Variants in CEP162 observed in about 807,000 individuals in gnomAD.
The protein encoded by CEP162 is centrosomal protein of 162 kDa.
In CEP162, 141 loss-of-function variants were observed where a neutral mutation model predicts 169.2. The ratio of observed to expected loss-of-function variants is 0.83; its 90% CI spans 0.73 to 0.96. The LOEUF (loss-of-function observed/expected upper bound fraction) is 0.96, where lower values mean the gene tolerates loss of function less well. Ranked by LOEUF, CEP162 falls within the 40% of genes least tolerant of loss-of-function variation. CEP162 has a pLI of 0.00. For missense variants in CEP162, 1,600 were observed against 1,587.2 expected (o/e 1.01, Z -0.14); for synonymous variants, 540 against 526.4 (o/e 1.03, Z -0.35).
chr6:84,136,653 A>G (rs2099514226), intron 25 of CEP162, among the ~76,000 whole-genome samples: 1 of 152,178 alleles, frequency 6.6e-6, no homozygotes. Context: ...CAGATGTTTC[A>G]CTGCTATATC....
chr6:84,171,749 T>A, intron 16 of CEP162, 31 bp from the exon 17 acceptor site: 1 of 946,284 alleles, frequency 1.1e-6, no homozygotes, highest in Non-Finnish European at 1.5e-6. Flanking sequence ...GCATTTTAGT[T>A]AAAAGTCATT....
intron 20 of CEP162, among the ~76,000 whole-genome samples, 153 bp from the exon 21 acceptor site, chr6:84,161,069 G>A (rs2099525556): frequency 6.6e-6 from 1 of 152,074 alleles, no homozygotes; most frequent in Admixed American, 6.6e-5. Context: ...CTCCTCCCAA[G>A]TTCCAGGCAC....
At position 84,152,955 on chromosome 6, in the gene CEP162, A is replaced by C. The variant is rs1410369529; in HGVS notation, c.3219T>G (p.Ser1073=). 5.0e-6 allele frequency: 8 copies of C among 1,613,694 alleles called. No homozygotes were observed. In the Admixed American group the frequency reaches 5.0e-5, roughly 10 times the overall value. Residue 1073 remains serine, a synonymous_variant, in exon 23 of 27, where the codon TCT becomes TCG. Transcript: ENST00000403245. ...KNDKDDEDFQ[S]IEFQVEQAHA... is the part of the protein sequence containing the mutation. ...GAGCCTGTTCCACCTGGAATTCTAT[A>C]GACTGAAAATCTTCATCATCTTTAT... is the stretch of plus-strand genomic sequence containing the variant.
intron 13 of CEP162, among the ~76,000 whole-genome samples, chr6:84,178,578 G>C (rs112029002): frequency 6.6e-6 from 1 of 152,140 alleles, no homozygotes; most frequent in African/African-American, 2.4e-5. Context: ...AACATCCCTA[G>C]GGGATGTAGT....
Position 84,155,405 on chromosome 6 carries a change from C to T in CEP162, c.2887G>A (p.Glu963Lys), listed in dbSNP as rs944213475. ...TTTTTTATCCTTTTCTCCATAAATTCCACTGTATTTTTATCCACTGTATCA... is the reference window on the plus strand; with the variant it reads ...TTTTTTATCCTTTTCTCCATAAATTTCACTGTATTTTTATCCACTGTATCA... ...AGDTVDKNTV[E>K]FMEKRIKKLE... The change falls in exon 22 of 27, where the codon GAA becomes AAA. Residue 963 changes from glutamate (E) to lysine (K), a missense_variant. Transcript: ENST00000403245. The T allele has an allele frequency of 6.2e-7, 1 of 1,613,522 alleles. No homozygotes were observed. The highest frequency in any genetic ancestry group is 8.5e-7 in the Non-Finnish European group (1 of 1,179,624).
intron 2 of CEP162, among the ~76,000 whole-genome samples, chr6:84,225,096 T>C (rs931198043): frequency 2.6e-5 from 4 of 152,214 alleles, no homozygotes; most frequent in African/African-American, 9.6e-5. Flanking sequence ...ATGTATAACG[T>C]ATAATAGCTT....
At chr6:84,161,543 G>A (rs1360277266) in intron 20 of CEP162, among the ~76,000 whole-genome samples, 1 of 152,140 alleles carries the variant, frequency 6.6e-6, no homozygotes, top group Admixed American at 6.6e-5. Flanking sequence ...CCCCATGGGG[G>A]CCTGACAGGT....
chr6:84,204,996 C>A (rs765655770), intron 6 of CEP162, among the ~76,000 whole-genome samples: 11 of 152,206 alleles, frequency 7.2e-5, no homozygotes, highest in Middle Eastern at 3.4e-3. Flanking sequence ...AAATCCTGGA[C>A]ACATACACCC....
At chr6:84,149,227 T>C (rs1398039785) in intron 24 of CEP162, among the ~76,000 whole-genome samples, 1 of 152,114 alleles carries the variant, frequency 6.6e-6, no homozygotes, top group African/African-American at 2.4e-5. Flanking sequence ...CAAGTTCAAG[T>C]ACTAGGGTCC....
At chr6:84,197,662 C>T (rs947080532) in intron 9 of CEP162, among the ~76,000 whole-genome samples, 1 of 151,582 alleles carries the variant, frequency 6.6e-6, no homozygotes, top group Admixed American at 6.6e-5. Flanking sequence ...AAAAAAAATA[C>T]AAAAATTAGC....
At chr6:84,129,859 T>G (rs939709286) in intron 25 of CEP162, among the ~76,000 whole-genome samples, 2 of 152,160 alleles carry the variant, frequency 1.3e-5, no homozygotes, top group African/African-American at 4.8e-5. Flanking sequence ...TTTCTTTTTC[T>G]TGCCTGATTG....
rs1248790456 is a variant in CEP162, at chr6:84,215,547, T to C, written c.320-82A>G. On this transcript the variant is annotated intron_variant, in intron 4 of 26. Transcript: ENST00000403245. ...TTGAATGATGCATTTATTGACATTA[T>C]GTAGTAAATTTTAAAAATTTTACAA... 7 of 1,244,276 alleles carry C rather than the reference T, an allele frequency of 5.6e-6. No individual in the cohort carries two copies. The East Asian group carries it at 1.0e-4, about 19-fold the overall frequency. The allele number at this position is 1,244,276 out of a possible 1,614,324, so 77.1% of individuals were successfully genotyped here.
intron 6 of CEP162, among the ~76,000 whole-genome samples, chr6:84,205,721 G>T (rs922297849): frequency 6.6e-6 from 1 of 152,016 alleles, no homozygotes; most frequent in African/African-American, 2.4e-5. Flanking sequence ...TCTGGCCAGG[G>T]CAATCAGGCA....
chr6:84,226,124 A>G (rs1288685671), intron 2 of CEP162, among the ~76,000 whole-genome samples: 1 of 151,322 alleles, frequency 6.6e-6, no homozygotes, highest in Non-Finnish European at 1.5e-5. Context: ...CAGTGTGGTG[A>G]AAGGAATGCT....
At chr6:84,136,507 G>A (rs1174118146) in intron 25 of CEP162, among the ~76,000 whole-genome samples, 1 of 152,148 alleles carries the variant, frequency 6.6e-6, no homozygotes, top group Non-Finnish European at 1.5e-5. Flanking sequence ...AGTTTTGGCA[G>A]GGATATTCAA....
At chr6:84,207,134 T>C (rs1349668731) in intron 6 of CEP162, among the ~76,000 whole-genome samples, 1 of 152,232 alleles carries the variant, frequency 6.6e-6, no homozygotes, top group Non-Finnish European at 1.5e-5. Context: ...AAGTGTAAAC[T>C]AGTTCAATTG....
At chr6:84,193,535 CA>C in intron 11 of CEP162, 73 bp downstream of exon 11, 1 of 824,294 alleles carries the variant, frequency 1.2e-6, no homozygotes, top group Non-Finnish European at 1.9e-6. Context: ...ATTAATCATT[CA>C]CTAGGAATGA....
Position 84,222,772 on chromosome 6 carries a change from GCACA to G in CEP162, c.58-1605_58-1602del, listed in dbSNP as rs112085957. On this transcript the variant is annotated intron_variant, in intron 2 of 26. Coordinates refer to ENST00000403245, the MANE Select transcript of CEP162 (RefSeq NM_014895.4). The stretch of plus-strand genomic sequence containing the variant: ...AAAATGACAGGGCGCACACGCGCGT[GCACA>G]CACACACACACACACAATCTTCCAC... Among the ~76,000 whole-genome samples, 1,059 of 150,548 alleles carry G rather than the reference GCACA, an allele frequency of 7.0e-3. 7 individuals carry two copies. Among genetic ancestry groups the G allele is most frequent in the African/African-American group, 0.023 (954 of 41,266 alleles).
chr6:84,197,110 G>C (rs1294202532), intron 9 of CEP162, among the ~76,000 whole-genome samples: 1 of 152,026 alleles, frequency 6.6e-6, no homozygotes, highest in Admixed American at 6.6e-5. Flanking sequence ...GACTTCTATG[G>C]TAAAGACCAT....
Sources: gnomAD v4.1 joint callset for allele counts (sites outside exome capture counted in the v4.1 genomes callset) on GRCh38, gnomAD v4.1.1 for gene constraint, MANE v1.5 for transcripts, NCBI Gene and HGNC (gene_info 2026-07-23, HGNC 2026-07-21) for gene names.